The following ZDHHC14 variants were observed in gnomAD, a reference collection of about 807,000 sequenced individuals.
ZDHHC14 encodes zDHHC palmitoyltransferase 14.
Under a neutral mutation model 47.7 loss-of-function variants are expected in ZDHHC14, and 16 were observed. The observed-to-expected ratio is 0.34, with a 90% confidence interval of 0.23 to 0.51. The LOEUF (loss-of-function observed/expected upper bound fraction) is 0.51, where lower values mean the gene tolerates loss of function less well. ZDHHC14 is among the 20% of genes least tolerant of loss of function. The pLI is 0.97. For missense variants in ZDHHC14, 515 were observed against 662.5 expected (o/e 0.78, Z 2.44); for synonymous variants, 293 against 278.9 (o/e 1.05, Z -0.50).
At chr6:157,479,425 A>T (rs954522412) in intron 1 of ZDHHC14, among the ~76,000 whole-genome samples, 7 of 152,298 alleles carry the variant, frequency 4.6e-5, no homozygotes, top group African/African-American at 1.7e-4. Context: ...TCGGTTTCCA[A>T]CAGGGGGAGT....
intron 5 of ZDHHC14, among the ~76,000 whole-genome samples, chr6:157,642,065 G>GTT (rs1160147407): frequency 3.0e-4 from 45 of 151,368 alleles, no homozygotes; most frequent in East Asian, 1.6e-3. Flanking sequence ...TAGATAGATA[G>GTT]ATAGTTATCA....
At chr6:157,556,543 G>A (rs886795828) in intron 2 of ZDHHC14, among the ~76,000 whole-genome samples, 1 of 152,250 alleles carries the variant, frequency 6.6e-6, no homozygotes, top group Non-Finnish European at 1.5e-5. Flanking sequence ...GCCAGGGGAT[G>A]GAGCTCCTGT....
In ZDHHC14 at chr6:157,517,405, G is replaced by T. The variant is rs149426952; in HGVS notation, c.246-25180G>T. The stretch of plus-strand genomic sequence containing the variant: ...TCTCAACTATAACCTCCGCCTCCCG[G>T]GTTCAAGCGATTCTCCTGCCTCAGC... On this transcript the variant is annotated intron_variant, in intron 1 of 8. Coordinates refer to ENST00000359775, the MANE Select transcript of ZDHHC14 (RefSeq NM_024630.3). Among the ~76,000 whole-genome samples, 229 of 151,850 alleles carry T rather than the reference G, an allele frequency of 1.5e-3. 4 individuals carry two copies. The East Asian group carries it at 0.028, about 19-fold the overall frequency.
intron 4 of ZDHHC14, chr6:157,630,695 A>G (rs1043333715): frequency 5.4e-5 from 8 of 149,476 alleles, no homozygotes; most frequent in African/African-American, 2.0e-4. Context: ...ACTCACCAAT[A>G]AGCTCACACA....
rs187113902 is a variant in ZDHHC14, at chr6:157,627,306, A to T, written c.566-1043A>T. Among the ~76,000 whole-genome samples the T allele has an allele frequency of 3.3e-5, 5 of 152,340 alleles. No homozygotes were observed. In the East Asian group the frequency reaches 9.6e-4, roughly 29 times the overall value. On this transcript the variant is annotated intron_variant, in intron 3 of 8. Transcript: ENST00000359775. The stretch of plus-strand genomic sequence containing the variant: ...TATATTTTCAAGCACATAGAGATAG[A>T]TAAAATATGAAAACTGGATACAAGT...
intron 8 of ZDHHC14, 90 bp downstream of exon 8, chr6:157,653,717 T>C: frequency 7.4e-7 from 1 of 1,352,202 alleles, no homozygotes; most frequent in Non-Finnish European, 1.0e-6. Flanking sequence ...CTAGCAAACC[T>C]CCCCAGGAGC....
At chr6:157,455,664 C>T (rs765966356) in intron 1 of ZDHHC14, among the ~76,000 whole-genome samples, 4 of 152,158 alleles carry the variant, frequency 2.6e-5, no homozygotes, top group South Asian at 4.1e-4. Flanking sequence ...GCACACCCCT[C>T]GCTCCTCCGG....
At chr6:157,533,178 G>A (rs540297365) in intron 1 of ZDHHC14, among the ~76,000 whole-genome samples, 1 of 152,174 alleles carries the variant, frequency 6.6e-6, no homozygotes, top group South Asian at 2.1e-4. Context: ...GTTATTGTAA[G>A]GTCAACTATG....
At chr6:157,672,487 G>A (rs1214782298) in intron 8 of ZDHHC14, among the ~76,000 whole-genome samples, 1 of 152,024 alleles carries the variant, frequency 6.6e-6, no homozygotes, top group African/African-American at 2.4e-5. Context: ...GTTATGACTG[G>A]GCACCCGTGG....
intron 1 of ZDHHC14, among the ~76,000 whole-genome samples, chr6:157,409,308 G>A (rs1777827222): frequency 6.6e-6 from 1 of 152,210 alleles, no homozygotes; most frequent in Non-Finnish European, 1.5e-5. Flanking sequence ...GGGACATCAG[G>A]TGGGCCCTCT....
At chr6:157,484,708 G>A (rs901259912) in intron 1 of ZDHHC14, among the ~76,000 whole-genome samples, 1 of 151,626 alleles carries the variant, frequency 6.6e-6, no homozygotes, top group African/African-American at 2.4e-5. Flanking sequence ...TTTACAGTAA[G>A]GTAATAAATG....
At chr6:157,467,757 C>T (rs569478499) in intron 1 of ZDHHC14, among the ~76,000 whole-genome samples, 6 of 152,150 alleles carry the variant, frequency 3.9e-5, no homozygotes, top group African/African-American at 1.2e-4. Flanking sequence ...ACCATTTTGG[C>T]CAGGCTGATC....
intron 2 of ZDHHC14, among the ~76,000 whole-genome samples, chr6:157,570,095 T>G (rs1783041920): frequency 6.6e-6 from 1 of 152,166 alleles, no homozygotes; most frequent in Non-Finnish European, 1.5e-5. Context: ...TAATCCTAAT[T>G]CTCTTTTCTT....
chr6:157,451,781 A>G (rs1057361190), intron 1 of ZDHHC14, among the ~76,000 whole-genome samples: 4 of 152,050 alleles, frequency 2.6e-5, no homozygotes, highest in African/African-American at 9.7e-5. Flanking sequence ...GCTGGTCTTG[A>G]ACTTCTGGGT....
intron 1 of ZDHHC14, among the ~76,000 whole-genome samples, chr6:157,454,613 A>G (rs941602): frequency 0.82 from 124,128 of 151,636 alleles, 51,056 homozygotes; most frequent in East Asian, 0.92. Context: ...TGATTCTCCC[A>G]CCGCCTCAGC....
intron 1 of ZDHHC14, among the ~76,000 whole-genome samples, chr6:157,422,184 G>A (rs1201577945): frequency 6.6e-6 from 1 of 152,168 alleles, no homozygotes; most frequent in African/African-American, 2.4e-5. Flanking sequence ...GATAGTCTTA[G>A]GTTAGCTTTA....
At chr6:157,642,901 G>C (rs374930565) in intron 5 of ZDHHC14, among the ~76,000 whole-genome samples, 1 of 152,202 alleles carries the variant, frequency 6.6e-6, no homozygotes, top group Non-Finnish European at 1.5e-5. Flanking sequence ...CCACAGGTTC[G>C]CGAATCCTGG....
At chr6:157,615,150 G>A (rs1784916527) in intron 3 of ZDHHC14, among the ~76,000 whole-genome samples, 1 of 152,170 alleles carries the variant, frequency 6.6e-6, no homozygotes, top group Admixed American at 6.5e-5. Flanking sequence ...GTCCTAACTG[G>A]TAGAACTTTG....
At chr6:157,622,696 C>T (rs939177058) in intron 3 of ZDHHC14, among the ~76,000 whole-genome samples, 6 of 152,104 alleles carry the variant, frequency 3.9e-5, no homozygotes, top group Non-Finnish European at 8.8e-5. Flanking sequence ...GTCAGTATCT[C>T]CCAGCTCTCA....
Sources: gnomAD v4.1 joint callset for allele counts (sites outside exome capture counted in the v4.1 genomes callset) on GRCh38, gnomAD v4.1.1 for gene constraint, MANE v1.5 for transcripts, NCBI Gene and HGNC (gene_info 2026-07-23, HGNC 2026-07-21) for gene names.